The following IQGAP2 variants were observed in gnomAD, a reference collection of about 807,000 sequenced individuals.
IQGAP2 encodes the protein ras GTPase-activating-like protein IQGAP2.
IQGAP2 carries 173 observed loss-of-function variants against 201.3 expected under a neutral mutation model. The ratio of observed to expected loss-of-function variants is 0.86; its 90% CI spans 0.76 to 0.98. The LOEUF (loss-of-function observed/expected upper bound fraction) is 0.98, where lower values mean the gene tolerates loss of function less well. Ranked by LOEUF, IQGAP2 falls within the 50% of genes least tolerant of loss-of-function variation. IQGAP2 has a pLI of 0.00. For missense variants in IQGAP2, 1,687 were observed against 1,864.8 expected (o/e 0.90, Z 1.76); for synonymous variants, 675 against 673.9 (o/e 1.00, Z -0.03).
chr5:76,582,652 G>A (rs1745951086), intron 5 of IQGAP2, among the ~76,000 whole-genome samples: 2 of 152,104 alleles, frequency 1.3e-5, no homozygotes, highest in Admixed American at 6.6e-5. Flanking sequence ...ACCTTTTAGT[G>A]TATATCCTGA....
At chr5:76,405,564 T>A (rs1371201335) in intron 1 of IQGAP2, among the ~76,000 whole-genome samples, 1 of 152,370 alleles carries the variant, frequency 6.6e-6, no homozygotes, top group African/African-American at 2.4e-5. Context: ...TGAACACTTT[T>A]ATAATTTTGG....
rs117726547 is a variant in IQGAP2, at chr5:76,405,093, T to C, written c.46+1502T>C. On this transcript the variant is annotated intron_variant, in intron 1 of 35. Transcript: ENST00000274364. ...CAAACTTCTGCAAACTAGGTGAATC[T>C]ACATGAACAAATGATTTCTTGCTAT... Among the ~76,000 whole-genome samples the C allele has an allele frequency of 1.2e-4, 19 of 152,390 alleles. No individual in the cohort carries two copies. In the East Asian group the frequency reaches 3.7e-3, roughly 29 times the overall value.
intron 27 of IQGAP2, among the ~76,000 whole-genome samples, chr5:76,675,625 T>G (rs776978652): frequency 3.3e-5 from 5 of 152,248 alleles, no homozygotes; most frequent in African/African-American, 7.2e-5. Flanking sequence ...TTCTCATGTC[T>G]GCCATTTAAT....
intron 2 of IQGAP2, among the ~76,000 whole-genome samples, chr5:76,548,714 G>A (rs990332042): frequency 6.6e-5 from 10 of 152,182 alleles, no homozygotes; most frequent in African/African-American, 2.4e-4. Flanking sequence ...ATTCATATAA[G>A]TGCCAAGTAC....
intron 2 of IQGAP2, among the ~76,000 whole-genome samples, chr5:76,501,466 C>A (rs900298317): frequency 3.3e-5 from 5 of 151,810 alleles, no homozygotes; most frequent in East Asian, 3.9e-4. Flanking sequence ...TTTTGAGAAT[C>A]GGAACAGTAT....
intron 2 of IQGAP2, among the ~76,000 whole-genome samples, chr5:76,545,228 G>T (rs2150225134): frequency 6.6e-6 from 1 of 152,272 alleles, no homozygotes. Context: ...AATTAGAAAT[G>T]GACCGAACAG....
chr5:76,602,426 T>C (rs1235638715), intron 11 of IQGAP2, among the ~76,000 whole-genome samples: 1 of 152,154 alleles, frequency 6.6e-6, no homozygotes, highest in Non-Finnish European at 1.5e-5. Context: ...CCATTCTGAT[T>C]ATCAAAAATG....
At position 76,403,323 on chromosome 5, in the gene IQGAP2, C is replaced by T. The variant is rs1015433888; in HGVS notation, c.-223C>T. The T allele has an allele frequency of 4.1e-5, 15 of 369,078 alleles. No homozygotes were observed. In the East Asian group the frequency reaches 5.7e-4, roughly 14 times the overall value. 22.9% of individuals were successfully genotyped at this position (369,078 alleles called of 1,614,324 possible). A position where few individuals can be genotyped will look rare whatever the true frequency, so the allele number is the denominator to read the frequency against. Reference sequence around the variant, plus strand: ...GAGGCGGCGGCGACCGGCCAGGGAGCGAGGGAGGAGAGTTCACTTTTACTT... The same window carrying T: ...GAGGCGGCGGCGACCGGCCAGGGAGTGAGGGAGGAGAGTTCACTTTTACTT... On this transcript the variant is annotated 5_prime_UTR_variant, in exon 1 of 36. Transcript: ENST00000274364. The surrounding 1 kb of genome is among the most constrained non-coding windows in gnomAD (Gnocchi z 4.8).
chr5:76,572,976 C>A (rs1430010074), intron 4 of IQGAP2, among the ~76,000 whole-genome samples: 1 of 152,138 alleles, frequency 6.6e-6, no homozygotes, highest in Non-Finnish European at 1.5e-5. Context: ...AAATTTTGTT[C>A]TGCCATTTTT....
intron 2 of IQGAP2, among the ~76,000 whole-genome samples, chr5:76,542,996 C>G (rs780086013): frequency 2.0e-5 from 3 of 152,196 alleles, no homozygotes; most frequent in Non-Finnish European, 4.4e-5. Context: ...TGTTTCATGT[C>G]TGTGGTCAGG....
At chr5:76,637,616 C>T (rs1751251222) in intron 16 of IQGAP2, among the ~76,000 whole-genome samples, 1 of 152,218 alleles carries the variant, frequency 6.6e-6, no homozygotes, top group African/African-American at 2.4e-5. Flanking sequence ...ATCTCTGCCA[C>T]ACATGGCCCC....
chr5:76,628,544 G>C, intron 14 of IQGAP2: 1 of 299,808 alleles, frequency 3.3e-6, no homozygotes, highest in Non-Finnish European at 6.6e-6. Context: ...CTTCTAAATT[G>C]CTATACTAAC....
chr5:76,634,290 C>T (rs1295423500), intron 15 of IQGAP2, among the ~76,000 whole-genome samples: 2 of 151,038 alleles, frequency 1.3e-5, no homozygotes, highest in African/African-American at 2.4e-5. Flanking sequence ...GAGATGAAGT[C>T]TCACTCTGTC....
rs1201773704 is a variant in IQGAP2 at position 76,700,523 on chromosome 5, C to T, written c.4368-553C>T. 2.0e-5 allele frequency among the ~76,000 whole-genome samples: 3 copies of T among 152,078 alleles called. No homozygotes were observed. The East Asian group carries it at 5.8e-4, about 29-fold the overall frequency. On this transcript the variant is annotated intron_variant, in intron 33 of 35. Transcript: ENST00000274364. The stretch of plus-strand genomic sequence containing the variant: ...TCTCAAAACAAAACAAAAAACCTCC[C>T]CCCAAAAAAGCAAAGAGTACCAGAC...
chr5:76,603,440 A>C (rs1747572700), intron 11 of IQGAP2, among the ~76,000 whole-genome samples: 1 of 152,084 alleles, frequency 6.6e-6, no homozygotes, highest in Non-Finnish European at 1.5e-5. Context: ...GCACAAAAAC[A>C]AAAGAAACAA....
chr5:76,461,669 G>C lies in IQGAP2; in HGVS notation c.146G>C (p.Arg49Thr), dbSNP rs1287980026. 2 of 1,606,586 alleles carry C rather than the reference G, an allele frequency of 1.2e-6. No individual in the cohort carries two copies. Among genetic ancestry groups the C allele is most frequent in the South Asian group, 2.2e-5 (2 of 90,924 alleles). The change falls in exon 2 of 36, where the codon AGG (arginine) becomes ACG (threonine). Residue 49 changes from arginine to threonine, a missense_variant and splice_region_variant. Transcript: ENST00000274364. ...EYLCHLEEAK[R>T]WMEVCLVEEL... ...CTGTGCCACTTAGAGGAAGCCAAAA[G>C]GTAAGATCCAGACTTAGTCTATTTG...
At chr5:76,665,317 G>A in intron 22 of IQGAP2, 142 bp downstream of exon 22, 1 of 699,836 alleles carries the variant, frequency 1.4e-6, no homozygotes, top group South Asian at 1.9e-5. Context: ...TGCTGTTGTT[G>A]GTGCTTTACA....
intron 13 of IQGAP2, among the ~76,000 whole-genome samples, chr5:76,612,798 G>T (rs1411704701): frequency 3.3e-5 from 5 of 152,106 alleles, no homozygotes; most frequent in Admixed American, 3.3e-4. Flanking sequence ...TATTTCTGGA[G>T]GGAGGATACC....
At chr5:76,485,818 C>T (rs763964721) in intron 2 of IQGAP2, among the ~76,000 whole-genome samples, 26 of 152,148 alleles carry the variant, frequency 1.7e-4, no homozygotes, top group Non-Finnish European at 2.8e-4. Flanking sequence ...TTCTCTGTAG[C>T]TTCTGGATGG....
Sources: gnomAD v4.1 joint callset for allele counts (sites outside exome capture counted in the v4.1 genomes callset) on GRCh38, gnomAD v4.1.1 for gene constraint, Gnocchi (gnomAD v3.1) non-coding constraint, MANE v1.5 for transcripts, NCBI Gene and HGNC (gene_info 2026-07-23, HGNC 2026-07-21) for gene names.